Variants in ITSN1 observed in about 807,000 individuals in gnomAD.
ITSN1 encodes the protein intersectin-1.
ITSN1 carries 58 observed loss-of-function variants against 239.8 expected under a neutral mutation model. The ratio of observed to expected loss-of-function variants is 0.24; its 90% CI spans 0.20 to 0.30. The LOEUF (loss-of-function observed/expected upper bound fraction) is 0.30, where lower values mean the gene tolerates loss of function less well. Among genes scored for constraint, ITSN1 ranks in the 10% least tolerant of loss-of-function variants. The pLI is 1.00. For synonymous variants in ITSN1, 780 were observed against 770.8 expected, an observed-to-expected ratio of 1.01 and a Z score of -0.20; for missense variants, 1,558 against 2,103.3, an observed-to-expected ratio of 0.74 and a Z score of 5.07.
chr21:33,846,497 G>T (rs930959072), intron 29 of ITSN1, among the ~76,000 whole-genome samples: 17 of 152,192 alleles, frequency 1.1e-4, no homozygotes, highest in Non-Finnish European at 2.4e-4. Flanking sequence ...CAACACTAAT[G>T]AACAGCGATG....
At chr21:33,727,653 C>T (rs2065909083) in intron 4 of ITSN1, among the ~76,000 whole-genome samples, 1 of 151,540 alleles carries the variant, frequency 6.6e-6, no homozygotes, top group Non-Finnish European at 1.5e-5. Flanking sequence ...TCTTGATCCC[C>T]TCTCCTCCAT....
chr21:33,751,758 GA>G, intron 6 of ITSN1, 51 bp from the exon 7 acceptor site: 5 of 1,379,328 alleles, frequency 3.6e-6, no homozygotes, highest in Non-Finnish European at 2.0e-6. Context: ...GTAAATTGGG[GA>G]AAGTTTCTTA....
At chr21:33,672,645 A>C (rs1300585777) in intron 1 of ITSN1, among the ~76,000 whole-genome samples, 2 of 152,290 alleles carry the variant, frequency 1.3e-5, no homozygotes, top group African/African-American at 4.8e-5. Flanking sequence ...TGAAATCAGC[A>C]TCTTGGGAAG....
At chr21:33,760,181 T>G (rs907967545) in intron 8 of ITSN1, among the ~76,000 whole-genome samples, 11 of 151,566 alleles carry the variant, frequency 7.3e-5, no homozygotes, top group African/African-American at 2.7e-4. Context: ...AATGATACAC[T>G]CCATAGCAGT....
intron 16 of ITSN1, among the ~76,000 whole-genome samples, chr21:33,787,835 T>A (rs1029010959): frequency 3.9e-5 from 6 of 152,228 alleles, no homozygotes; most frequent in African/African-American, 1.4e-4. Context: ...TTTGGTTCTT[T>A]CATTCTGTTC....
intron 1 of ITSN1, among the ~76,000 whole-genome samples, chr21:33,680,240 C>T (rs575699171): frequency 6.6e-6 from 1 of 151,762 alleles, no homozygotes; most frequent in East Asian, 1.9e-4. Flanking sequence ...GGAATATTTT[C>T]TTTCTGTTTT....
chr21:33,689,271 A>T (rs564841158), intron 1 of ITSN1: 23 of 152,324 alleles, frequency 1.5e-4, no homozygotes, highest in Non-Finnish European at 2.8e-4. Flanking sequence ...GAACTTGTTG[A>T]TGGACAGTGT....
chr21:33,688,753 G>C (rs573518495), intron 1 of ITSN1, among the ~76,000 whole-genome samples: 7 of 152,174 alleles, frequency 4.6e-5, no homozygotes, highest in Middle Eastern at 3.4e-3. Context: ...AGCTTGGGCA[G>C]TGTTCTGCAA....
In ITSN1 at chr21:33,877,843, G is replaced by A. The variant is rs1750226055; in HGVS notation, c.4341+2322G>A. Among the ~76,000 whole-genome samples, 11 of 151,792 alleles carry A rather than the reference G, an allele frequency of 7.2e-5. No homozygotes were observed. In the South Asian group the frequency reaches 2.3e-3, roughly 32 times the overall value. On this transcript the variant is annotated intron_variant, in intron 34 of 39. Coordinates refer to ENST00000381318, the MANE Select transcript of ITSN1 (RefSeq NM_003024.3). ...TTCTATTTTGTGTGTGTGTGTGTGT[G>A]TGTGTGTGTGTGTGTGTGCCAGTTT...
rs572352341 is a variant in ITSN1 at position 33,790,508 on chromosome 21, C to T, written c.1825-3833C>T. On this transcript the variant is annotated intron_variant, in intron 16 of 39. Transcript: ENST00000381318. ...TGAATAGAATTCATAAAAGAAAAAT[C>T]AACAAAGTTGTACACTCCGTACTAT... Among the ~76,000 whole-genome samples, 128 of 151,952 alleles carry T rather than the reference C, an allele frequency of 8.4e-4. 1 individual carries two copies. The highest frequency in any genetic ancestry group is 1.5e-3 in the Non-Finnish European group (101 of 67,918).
intron 30 of ITSN1, among the ~76,000 whole-genome samples, chr21:33,857,836 T>C (rs2148480372): frequency 6.6e-6 from 1 of 152,286 alleles, no homozygotes; most frequent in South Asian, 2.1e-4. Context: ...CCACCATATG[T>C]GGTTGCCCTG....
intron 30 of ITSN1, 80 bp from the exon 31 acceptor site, chr21:33,858,606 T>G (rs1309359727): frequency 1.1e-6 from 1 of 870,132 alleles, no homozygotes; most frequent in African/African-American, 1.7e-5. Flanking sequence ...GCCCTTTCCC[T>G]GCTCTCAGCG....
intron 1 of ITSN1, chr21:33,716,562 CA>C (rs1178332276): frequency 6.6e-6 from 1 of 152,070 alleles, no homozygotes; most frequent in Admixed American, 6.6e-5. Context: ...AAAGGTAACT[CA>C]ATATACCTGA....
rs2069499592 is a variant in ITSN1, at chr21:33,775,128, A to G, written c.1596+20A>G. 9 of 1,599,428 alleles carry G rather than the reference A, an allele frequency of 5.6e-6. No individual in the cohort carries two copies. In the East Asian group the frequency reaches 2.0e-4, roughly 36 times the overall value. ...TTACAGGTGAGGAAATATGCCTCTT[A>G]AAAGCTATTATATTAAACTGGCATC... On this transcript the variant is annotated intron_variant, in intron 14 of 39. Coordinates refer to ENST00000381318, the MANE Select transcript of ITSN1 (RefSeq NM_003024.3).
At chr21:33,721,899 A>C (rs1012208982) in intron 3 of ITSN1, 6 of 151,176 alleles carry the variant, frequency 4.0e-5, no homozygotes, top group African/African-American at 1.5e-4. Flanking sequence ...ATGCCCAGCT[A>C]ATTTTTTCTT....
rs1460521931 is a variant in ITSN1 at position 33,886,369 on chromosome 21, G to A, written c.4926G>A (p.Lys1642=). ...TKTIQDTLNP[K]WNSNCQFFIR... is the part of the protein sequence containing the mutation. ...CGATCCAGGACACTCTGAACCCCAA[G>A]TGGAATTCCAACTGCCAGTTCTTCA... Residue 1642 remains lysine, a synonymous_variant, in exon 39 of 40, where the codon AAG becomes AAA. Transcript: ENST00000381318. 8.1e-6 allele frequency: 13 copies of A among 1,613,832 alleles called. No individual in the cohort carries two copies. The highest frequency in any genetic ancestry group is 1.0e-5 in the Non-Finnish European group (12 of 1,179,984).
At chr21:33,866,307 A>G (rs552349592) in intron 32 of ITSN1, among the ~76,000 whole-genome samples, 90 of 152,312 alleles carry the variant, frequency 5.9e-4, no homozygotes, top group African/African-American at 2.1e-3. Flanking sequence ...GCTAAGAAGG[A>G]GGCCTTGGGT....
At chr21:33,720,692 A>G (rs2065431156) in intron 2 of ITSN1, among the ~76,000 whole-genome samples, 2 of 152,192 alleles carry the variant, frequency 1.3e-5, no homozygotes, top group South Asian at 4.1e-4. Context: ...CAAATTATAT[A>G]GAGTTGTGCA....
At chr21:33,666,949 T>A (rs190387577) in intron 1 of ITSN1, among the ~76,000 whole-genome samples, 1 of 152,244 alleles carries the variant, frequency 6.6e-6, no homozygotes, top group East Asian at 1.9e-4. Flanking sequence ...CAGGGAGGCA[T>A]TGTTTTACAT....
Sources: gnomAD v4.1 joint callset for allele counts (sites outside exome capture counted in the v4.1 genomes callset) on GRCh38, gnomAD v4.1.1 for gene constraint, MANE v1.5 for transcripts, NCBI Gene and HGNC (gene_info 2026-07-23, HGNC 2026-07-21) for gene names.